The following DHTKD1 variants were observed in gnomAD, a reference collection of about 807,000 sequenced individuals.
DHTKD1 encodes dehydrogenase E1 and transketolase domain containing 1.
DHTKD1 carries 78 observed loss-of-function variants against 101.8 expected under a neutral mutation model. The ratio of observed to expected loss-of-function variants is 0.77; its 90% CI spans 0.64 to 0.93. The LOEUF (loss-of-function observed/expected upper bound fraction) is 0.93, where lower values mean the gene tolerates loss of function less well. Among genes scored for constraint, DHTKD1 ranks in the 40% least tolerant of loss-of-function variants. The probability of loss-of-function intolerance (pLI) is 0.00; values close to 1 mark genes in which losing one functional copy is unlikely to be tolerated. For missense variants in DHTKD1, 1,223 were observed against 1,161.7 expected (o/e 1.05, Z -0.77); for synonymous variants, 462 against 450.3 (o/e 1.03, Z -0.33).
At chr10:12,119,553 T>C (rs1238161323) in intron 15 of DHTKD1, among the ~76,000 whole-genome samples, 2 of 148,274 alleles carry the variant, frequency 1.3e-5, no homozygotes, top group East Asian at 2.0e-4. Flanking sequence ...GAGGCGGAGC[T>C]TGCAGTGAGC....
At position 12,097,921 on chromosome 10, in the gene DHTKD1, G is replaced by GT. The variant is rs1833098555; in HGVS notation, c.1599dup (p.Val534CysfsTer55). The GT allele has an allele frequency of 6.2e-7, 1 of 1,614,112 alleles. No homozygotes were observed. The highest frequency in any genetic ancestry group is 8.5e-7 in the Non-Finnish European group (1 of 1,180,046). On this transcript the variant is annotated frameshift_variant, in exon 8 of 17. Transcript: ENST00000263035. LOFTEE classifies it high-confidence loss of function. ...CAGGTGTGCCCCTCGACCTCCTGCG[G>GT]TTTGTTGGCATGAAGTCTGTAGAGG... is the stretch of plus-strand genomic sequence containing the variant.
In DHTKD1 at chr10:12,107,180, G is replaced by T. The variant is rs965028569; in HGVS notation, c.2048-729G>T. ...TTTTTGTATTTTTAGTAGAGATGGG[G>T]TTTCACCGTGTCAGCCGGGATGGTC... On this transcript the variant is annotated intron_variant, in intron 11 of 16. Transcript: ENST00000263035. The surrounding 1 kb of genome is among the most constrained non-coding windows in gnomAD (Gnocchi z 4.1). 2.6e-5 allele frequency among the ~76,000 whole-genome samples: 4 copies of T among 151,776 alleles called. No individual in the cohort carries two copies. Among genetic ancestry groups the T allele is most frequent in the African/African-American group, 7.3e-5 (3 of 41,304 alleles).
intron 1 of DHTKD1, among the ~76,000 whole-genome samples, chr10:12,080,152 TGCCTGTGGGC>T (rs1387234436): frequency 6.7e-6 from 1 of 149,558 alleles, no homozygotes; most frequent in East Asian, 2.1e-4. Context: ...TGGTGGCGGG[TGCCTGTGGGC>T]GCCTGTAGGC....
Position 12,120,214 on chromosome 10 carries a change from A to G in DHTKD1, c.2605A>G (p.Met869Val), listed in dbSNP as rs1401039916. The change falls in exon 16 of 17, where the codon ATG becomes GTG. Residue 869 changes from methionine (M) to valine (V), a missense_variant. Physicochemically the swap from Met to Val is conservative, Grantham distance 21 (BLOSUM62 1). Coordinates refer to ENST00000263035, the MANE Select transcript of DHTKD1 (RefSeq NM_018706.7). ...TTGGAGTCAGGAGGAACCTCAGAACATGGGTCCGTGGTCGTTTGTTTCTCC... is the reference window on the plus strand; with the variant it reads ...TTGGAGTCAGGAGGAACCTCAGAACGTGGGTCCGTGGTCGTTTGTTTCTCC... ...HIWSQEEPQNMGPWSFVSPRF... is the reference protein window; with the variant it reads ...HIWSQEEPQNVGPWSFVSPRF... 2 of 1,613,748 alleles carry G rather than the reference A, an allele frequency of 1.2e-6. No individual in the cohort carries two copies. Among genetic ancestry groups the G allele is most frequent in the Non-Finnish European group, 1.7e-6 (2 of 1,179,868 alleles).
chr10:12,078,794 C>G (rs1318642951), intron 1 of DHTKD1, among the ~76,000 whole-genome samples: 1 of 152,080 alleles, frequency 6.6e-6, no homozygotes, highest in Non-Finnish European at 1.5e-5. Flanking sequence ...ATTCTCCTGC[C>G]TCAGCCTCCA....
Position 12,097,970 on chromosome 10 carries a change from A to C in DHTKD1, c.1645A>C (p.Ser549Arg). 1.2e-6 allele frequency: 2 copies of C among 1,612,238 alleles called. No individual in the cohort carries two copies. Among genetic ancestry groups the C allele is most frequent in the Non-Finnish European group, 1.7e-6 (2 of 1,178,604 alleles). ...GGTGCCAAGAGAGCTGCAGATGCAC[A>C]GTCACCTGCTGAAGACACATGTTCA... is the stretch of plus-strand genomic sequence containing the variant. ...VEVPRELQMH[S>R]HLLKTHVQSR... Residue 549 changes from serine to arginine, a missense_variant, in exon 8 of 17, where the codon AGT becomes CGT. By Grantham distance (110) the Ser-to-Arg change is moderately radical. Coordinates refer to ENST00000263035, the MANE Select transcript of DHTKD1 (RefSeq NM_018706.7).
Position 12,108,853 on chromosome 10 carries a change from A to G in DHTKD1, c.2154+838A>G, listed in dbSNP as rs894240884. 1.4e-4 allele frequency among the ~76,000 whole-genome samples: 21 copies of G among 152,240 alleles called. 1 individual carries two copies. Among genetic ancestry groups the G allele is most frequent in the Admixed American group, 1.0e-3 (16 of 15,264 alleles). ...GCATCTTATGTTTTGATTCATTTCA[A>G]AATAAATGGAGACATTAGCCGGGTG... is the stretch of plus-strand genomic sequence containing the variant. On this transcript the variant is annotated intron_variant, in intron 12 of 16. Coordinates refer to ENST00000263035, the MANE Select transcript of DHTKD1 (RefSeq NM_018706.7).
chr10:12,091,721 C>T (rs757969950), intron 6 of DHTKD1, 37 bp downstream of exon 6: 37 of 1,595,030 alleles, frequency 2.3e-5, no homozygotes, highest in South Asian at 1.0e-4. Context: ...TTGCTGAAGC[C>T]GACATGGAAT....
At chr10:12,102,908 C>T (rs1047751097) in intron 10 of DHTKD1, among the ~76,000 whole-genome samples, 2 of 151,982 alleles carry the variant, frequency 1.3e-5, no homozygotes, top group Non-Finnish European at 2.9e-5. Context: ...GCGTGAACCA[C>T]CACGCCTGGC....
Position 12,120,680 on chromosome 10 carries a change from T to G in DHTKD1, c.2659-107T>G, listed in dbSNP as rs1160419147. 6 of 957,748 alleles carry G rather than the reference T, an allele frequency of 6.3e-6. No individual in the cohort carries two copies. In the Admixed American group the frequency reaches 7.9e-5, roughly 13 times the overall value. 59.3% of individuals were successfully genotyped at this position (957,748 alleles called of 1,614,324 possible). A position where few individuals can be genotyped will look rare whatever the true frequency, so the allele number is the denominator to read the frequency against. On this transcript the variant is annotated intron_variant, in intron 16 of 16. Coordinates refer to ENST00000263035, the MANE Select transcript of DHTKD1 (RefSeq NM_018706.7). ...TAACTCATTATTTGAAAGAGGTGAT[T>G]TATGGTTAAACAAGCTAAGAGAAAT...
In DHTKD1 at chr10:12,122,275, C is replaced by T. The variant is rs1371759190; in HGVS notation, c.*1387C>T. The T allele has an allele frequency of 6.6e-6, 1 of 152,198 alleles. No individual in the cohort carries two copies. Among genetic ancestry groups the T allele is most frequent in the African/African-American group, 2.4e-5 (1 of 41,458 alleles). 9.4% of individuals were successfully genotyped at this position (152,198 alleles called of 1,614,324 possible). A position where few individuals can be genotyped will look rare whatever the true frequency, so the allele number is the denominator to read the frequency against. Reference sequence around the variant, plus strand: ...GGATTTCAGCCCCTGGTTAATCAGTCTTGTCCCTACAAGTCCCTGATGCAG... The same window carrying T: ...GGATTTCAGCCCCTGGTTAATCAGTTTTGTCCCTACAAGTCCCTGATGCAG... On this transcript the variant is annotated 3_prime_UTR_variant, in exon 17 of 17. Transcript: ENST00000263035.
intron 1 of DHTKD1, among the ~76,000 whole-genome samples, chr10:12,072,404 A>G (rs1026012433): frequency 2.6e-5 from 4 of 152,020 alleles, no homozygotes; most frequent in Non-Finnish European, 4.4e-5. Context: ...TGAGGTTGCA[A>G]TGAGCTGAGA....
At position 12,110,197 on chromosome 10, in the gene DHTKD1, C is replaced by T. The variant is rs1364522321; in HGVS notation, c.2154+2182C>T. 6.6e-6 allele frequency among the ~76,000 whole-genome samples: 1 copy of T among 152,142 alleles called. No homozygotes were observed. Among genetic ancestry groups the T allele is most frequent in the Non-Finnish European group, 1.5e-5 (1 of 68,024 alleles). ...CCTGTAGTCCCAGCTACTTGGGAGG[C>T]TGAGGCAGGGGAATGGTGTGAACCT... On this transcript the variant is annotated intron_variant, in intron 12 of 16. Transcript: ENST00000263035. The surrounding 1 kb of genome is among the most constrained non-coding windows in gnomAD (Gnocchi z 4.9).
chr10:12,100,284 TC>T lies in DHTKD1; in HGVS notation c.1756+23del, dbSNP rs368281889. On this transcript the variant is annotated intron_variant, in intron 9 of 16. Coordinates refer to ENST00000263035, the MANE Select transcript of DHTKD1 (RefSeq NM_018706.7). ...CAAGGTAAGAATTTTCTTTTTTTTT[TC>T]TGTTTTTTTTTTTTTTGAGTCTCAC... 4.6e-5 allele frequency: 37 copies of T among 806,046 alleles called. 1 individual carries two copies. The highest frequency in any genetic ancestry group is 6.1e-5 in the Admixed American group (2 of 32,604). 49.9% of individuals were successfully genotyped at this position (806,046 alleles called of 1,614,324 possible).
intron 1 of DHTKD1, among the ~76,000 whole-genome samples, chr10:12,074,993 G>A (rs561028095): frequency 2.0e-5 from 3 of 152,140 alleles, no homozygotes; most frequent in South Asian, 4.2e-4. Context: ...GGGTGTGGTC[G>A]CATGTGCCTG....
Position 12,110,020 on chromosome 10 carries a change from T to C in DHTKD1, c.2154+2005T>C, listed in dbSNP as rs1833303695. 6.6e-6 allele frequency among the ~76,000 whole-genome samples: 1 copy of C among 151,980 alleles called. No individual in the cohort carries two copies. Among genetic ancestry groups the C allele is most frequent in the African/African-American group, 2.4e-5 (1 of 41,378 alleles). ...GCTTTGAATGTAGCCCAATACAGGC[T>C]GGGCGTGGTGGCTCACTCCTGTAAT... On this transcript the variant is annotated intron_variant, in intron 12 of 16. Transcript: ENST00000263035. This position sits in a 1 kb window ranked among gnomAD's most constrained non-coding sequence, Gnocchi z 4.9.
At chr10:12,088,965 T>G (rs186713033) in intron 4 of DHTKD1, 21 bp from the exon 5 acceptor site, 88 of 1,600,582 alleles carry the variant, frequency 5.5e-5, no homozygotes, top group Admixed American at 2.4e-4. Flanking sequence ...ATTTTTTTCC[T>G]TTTGAATGTA....
chr10:12,107,620 G>C lies in DHTKD1; in HGVS notation c.2048-289G>C, dbSNP rs911029927. On this transcript the variant is annotated intron_variant, in intron 11 of 16. Transcript: ENST00000263035. This position sits in a 1 kb window ranked among gnomAD's most constrained non-coding sequence, Gnocchi z 4.1. ...TTTAGTAGAGACGGGGTTTCACCAT[G>C]TTGGCCAGGCTGGTCTCGAACACCT... Among the ~76,000 whole-genome samples, 1 of 151,854 alleles carries C rather than the reference G, an allele frequency of 6.6e-6. No homozygotes were observed. Among genetic ancestry groups the C allele is most frequent in the Non-Finnish European group, 1.5e-5 (1 of 67,950 alleles).
In DHTKD1 at chr10:12,068,955, A is replaced by C; in HGVS notation, c.-79A>C. The C allele has an allele frequency of 3.9e-6, 6 of 1,550,892 alleles. No homozygotes were observed. Among genetic ancestry groups the C allele is most frequent in the Middle Eastern group, 2.1e-4 (1 of 4,764 alleles). On this transcript the variant is annotated 5_prime_UTR_variant, in exon 1 of 17. Coordinates refer to ENST00000263035, the MANE Select transcript of DHTKD1 (RefSeq NM_018706.7). ...GGGGGCGGGGCTCCGGCCGCCTCTG[A>C]CGAGTCCCGGATTTACCAGGGCCGG...
Sources: gnomAD v4.1 joint callset for allele counts (sites outside exome capture counted in the v4.1 genomes callset) on GRCh38, gnomAD v4.1.1 for gene constraint, Gnocchi (gnomAD v3.1) non-coding constraint, MANE v1.5 for transcripts, NCBI Gene and HGNC (gene_info 2026-07-23, HGNC 2026-07-21) for gene names.